The following PTPRE variants were observed in gnomAD, a reference collection of about 807,000 sequenced individuals.
The protein encoded by PTPRE is protein tyrosine phosphatase receptor type E.
PTPRE carries 51 observed loss-of-function variants against 102.0 expected under a neutral mutation model. That is an observed-to-expected ratio of 0.50 (90% CI 0.40 to 0.63). The LOEUF is 0.63. Ranked by LOEUF, PTPRE falls within the 30% of genes least tolerant of loss-of-function variation. PTPRE has a pLI of 0.00. For synonymous variants in PTPRE, 345 were observed against 348.2 expected (o/e 0.99, Z 0.10); for missense variants, 752 against 915.1 (o/e 0.82, Z 2.30).
At chr10:128,064,442 G>A (rs1372719349) in intron 10 of PTPRE, among the ~76,000 whole-genome samples, 1 of 152,250 alleles carries the variant, frequency 6.6e-6, no homozygotes. Context: ...CCCAGCCCAG[G>A]ACTCTTCACT....
rs748335470 is a variant in PTPRE, at chr10:128,049,653, G to C, written c.407G>C (p.Arg136Pro). 1.2e-6 allele frequency: 2 copies of C among 1,613,674 alleles called. No homozygotes were observed. Among genetic ancestry groups the C allele is most frequent in the Non-Finnish European group, 1.7e-6 (2 of 1,180,012 alleles). The change falls in exon 6 of 21, where the codon CGG becomes CCG. Residue 136 changes from arginine to proline, a missense_variant. Physicochemically the swap from Arg to Pro is moderately radical, Grantham distance 103. This residue lies in a region of PTPRE where 636 missense variants were observed against 824.4 expected (regional missense o/e 0.77). Coordinates refer to ENST00000254667, the MANE Select transcript of PTPRE (RefSeq NM_006504.6). ...TCCGCCGACGACTGCAAGCAGTTTC[G>C]GGAGGAGTTCAACGTGAGTGTGGGG... is the stretch of plus-strand genomic sequence containing the variant. The part of the protein sequence containing the change: ...IRSADDCKQF[R>P]EEFNSLPSGH...
At chr10:128,030,261 C>A (rs1475026999) in intron 2 of PTPRE, among the ~76,000 whole-genome samples, 1 of 152,252 alleles carries the variant, frequency 6.6e-6, no homozygotes, top group Non-Finnish European at 1.5e-5. Context: ...ATAACCAGCC[C>A]TTGCCTGATG....
chr10:128,010,870 C>T (rs1844957412), intron 2 of PTPRE, among the ~76,000 whole-genome samples: 2 of 152,116 alleles, frequency 1.3e-5, no homozygotes, highest in Admixed American at 6.6e-5. Flanking sequence ...GGATTACAGG[C>T]GTGAGCCACT....
At chr10:128,056,560 CCTG>C (rs1402042476) in intron 7 of PTPRE, among the ~76,000 whole-genome samples, 2 of 152,180 alleles carry the variant, frequency 1.3e-5, no homozygotes, top group African/African-American at 4.8e-5. Flanking sequence ...CCAGTCTAGG[CCTG>C]CCAGTGGCCC....
At chr10:128,012,962 T>G (rs2135627483) in intron 2 of PTPRE, among the ~76,000 whole-genome samples, 1 of 152,282 alleles carries the variant, frequency 6.6e-6, no homozygotes, top group East Asian at 1.9e-4. Context: ...TGGCTCTTGG[T>G]CAGTAAAATC....
At chr10:128,066,326 G>A (rs1362381962) in intron 11 of PTPRE, 132 bp downstream of exon 11, 3 of 1,425,326 alleles carry the variant, frequency 2.1e-6, no homozygotes, top group Non-Finnish European at 2.9e-6. Flanking sequence ...GGCTGAGAGG[G>A]TGCAGTGGCC....
chr10:128,042,085 T>C (rs1847742642), intron 3 of PTPRE, among the ~76,000 whole-genome samples: 2 of 152,164 alleles, frequency 1.3e-5, no homozygotes, highest in Admixed American at 6.6e-5. Context: ...CCCGCAAATA[T>C]TAACTTGCCT....
intron 2 of PTPRE, among the ~76,000 whole-genome samples, chr10:128,031,209 C>T (rs1029342376): frequency 1.3e-4 from 20 of 152,234 alleles, no homozygotes; most frequent in African/African-American, 4.6e-4. Flanking sequence ...AAAAGTGTAG[C>T]GTAAACCTAC....
At position 128,079,694 on chromosome 10, in the gene PTPRE, T is replaced by C; in HGVS notation, c.2027T>C (p.Leu676Pro). The change falls in exon 20 of 21, where the codon CTG (leucine) becomes CCG (proline). Residue 676 changes from leucine (L) to proline (P), a missense_variant and splice_region_variant. Around this residue, in one of 2 missense-constraint regions of PTPRE, gnomAD observed 636 missense variants for 824.4 expected, o/e 0.77. Coordinates refer to ENST00000254667, the MANE Select transcript of PTPRE (RefSeq NM_006504.6). ...RLQRPHMVQT[L>P]EQYEFCYKVV... is the part of the protein sequence containing the mutation. ...CAGAGACCACATATGGTGCAAACCCTGGTAAGAATCTGAATAAGGATGTTA... is the reference window on the plus strand; with the variant it reads ...CAGAGACCACATATGGTGCAAACCCCGGTAAGAATCTGAATAAGGATGTTA... 3 of 1,611,414 alleles carry C rather than the reference T, an allele frequency of 1.9e-6. No individual in the cohort carries two copies. The highest frequency in any genetic ancestry group is 2.5e-6 in the Non-Finnish European group (3 of 1,177,846).
intron 1 of PTPRE, among the ~76,000 whole-genome samples, chr10:127,981,958 T>C (rs1851661941): frequency 6.6e-6 from 1 of 152,116 alleles, no homozygotes; most frequent in Non-Finnish European, 1.5e-5. Flanking sequence ...AAGGAACTAC[T>C]TGAAGGGGAG....
intron 2 of PTPRE, among the ~76,000 whole-genome samples, chr10:128,023,815 G>GCTGT: frequency 6.6e-6 from 1 of 152,332 alleles, no homozygotes; most frequent in African/African-American, 2.4e-5. Flanking sequence ...GGTTAACCTT[G>GCTGT]CTGTCTTCAG....
chr10:127,921,802 G>T (rs577434855), intron 1 of PTPRE, among the ~76,000 whole-genome samples: 1 of 152,290 alleles, frequency 6.6e-6, no homozygotes, highest in East Asian at 1.9e-4. Flanking sequence ...GGTGGAGAAT[G>T]CCAGGGTCTT....
Position 128,021,833 on chromosome 10 carries a change from C to T in PTPRE, c.-7-19042C>T, listed in dbSNP as rs113994333. ...CTAAGTTTCTTGCTGTATCTCTTAC[C>T]ACGTGCTTCCCGTGAGGCTGCTTTT... On this transcript the variant is annotated intron_variant, in intron 2 of 20. Transcript: ENST00000254667. Among the ~76,000 whole-genome samples, 1,240 of 152,336 alleles carry T rather than the reference C, an allele frequency of 8.1e-3. 20 individuals carry two copies. The highest frequency in any genetic ancestry group is 0.029 in the African/African-American group (1,196 of 41,564).
At chr10:128,003,069 C>G (rs751456081) in intron 2 of PTPRE, among the ~76,000 whole-genome samples, 8 of 152,234 alleles carry the variant, frequency 5.3e-5, no homozygotes, top group Non-Finnish European at 1.0e-4. Context: ...CATTTACAGT[C>G]CTGAAGAGCA....
intron 1 of PTPRE, among the ~76,000 whole-genome samples, chr10:127,975,190 C>T (rs924737853): frequency 3.3e-5 from 5 of 152,166 alleles, no homozygotes; most frequent in Admixed American, 3.3e-4. Context: ...TGTTGGAGCC[C>T]CGTGAGACAC....
chr10:128,066,324 G>A, intron 11 of PTPRE, 130 bp downstream of exon 11: 5 of 1,424,198 alleles, frequency 3.5e-6, no homozygotes, highest in African/African-American at 1.4e-5. Flanking sequence ...CTGGCTGAGA[G>A]GGTGCAGTGG....
intron 2 of PTPRE, among the ~76,000 whole-genome samples, chr10:127,988,342 A>G (rs72847312): frequency 0.098 from 12,133 of 124,242 alleles, 686 homozygotes; most frequent in Middle Eastern, 0.19. Context: ...ATCTTGCTCT[A>G]TCACTCAGGC....
At chr10:127,910,495 T>C (rs1845793553) in intron 1 of PTPRE, among the ~76,000 whole-genome samples, 1 of 152,222 alleles carries the variant, frequency 6.6e-6, no homozygotes, top group East Asian at 1.9e-4. Flanking sequence ...GCTCAAGTAG[T>C]TTATCTCCTC....
In PTPRE at chr10:128,002,560, C is replaced by T. The variant is rs113235214; in HGVS notation, c.-8+20264C>T. Among the ~76,000 whole-genome samples, 826 of 152,262 alleles carry T rather than the reference C, an allele frequency of 5.4e-3. 7 individuals are homozygous for T. Among genetic ancestry groups the T allele is most frequent in the Non-Finnish European group, 8.3e-3 (564 of 68,012 alleles). On this transcript the variant is annotated intron_variant, in intron 2 of 20. Coordinates refer to ENST00000254667, the MANE Select transcript of PTPRE (RefSeq NM_006504.6). ...GATACAGGAAGGGCCAGGGCCTGCT[C>T]CTGGCTGCTGGAGCCCTGCGTGGCA...
Sources: allele counts gnomAD v4.1 joint callset (sites outside exome capture counted in the v4.1 genomes callset), GRCh38; gene constraint gnomAD v4.1.1; regional missense constraint gnomAD v4.1.1; transcripts MANE v1.5; gene names NCBI Gene and HGNC (gene_info 2026-07-23, HGNC 2026-07-21).